AGPAT3: variants seen among roughly 807,000 people sequenced by gnomAD.
AGPAT3 encodes 1-acylglycerol-3-phosphate O-acyltransferase 3.
AGPAT3 carries 5 observed loss-of-function variants against 47.3 expected under a neutral mutation model. That is an observed-to-expected ratio of 0.11 (90% CI 0.06 to 0.22). The LOEUF (loss-of-function observed/expected upper bound fraction) is 0.22. Among genes scored for constraint, AGPAT3 ranks in the 10% least tolerant of loss-of-function variants. The pLI is 1.00. For missense variants in AGPAT3, 315 were observed against 493.0 expected, an observed-to-expected ratio of 0.64 and a Z score of 3.42; for synonymous variants, 212 against 208.3, an observed-to-expected ratio of 1.02 and a Z score of -0.15.
At chr21:43,912,634 A>G (rs1451924169) in intron 2 of AGPAT3, among the ~76,000 whole-genome samples, 2 of 152,364 alleles carry the variant, frequency 1.3e-5, no homozygotes, top group Middle Eastern at 3.4e-3. Context: ...GGACTTCAGC[A>G]TCTGCTTTTC....
rs984498012 is a variant in AGPAT3 at position 43,967,882 on chromosome 21, G to T, written c.179-64G>T. The T allele has an allele frequency of 4.0e-5, 62 of 1,536,312 alleles. No homozygotes were observed. In the Admixed American group the frequency reaches 1.2e-3, roughly 29 times the overall value. The stretch of plus-strand genomic sequence containing the variant: ...AAAATACTGTAGGTGTCTCCTGTGG[G>T]CGCTCCCTGACCATCCCAGGAGGAG... On this transcript the variant is annotated intron_variant, in intron 3 of 9. Transcript: ENST00000291572.
chr21:43,971,531 C>T (rs1174972236), intron 7 of AGPAT3, 41 bp downstream of exon 7: 7 of 1,590,348 alleles, frequency 4.4e-6, no homozygotes, highest in Non-Finnish European at 6.0e-6. Flanking sequence ...CCCCCCATAC[C>T]TTCATGAGCT....
In AGPAT3 at chr21:43,933,168, G is replaced by A. The variant is rs552472476; in HGVS notation, c.-48-26466G>A. Among the ~76,000 whole-genome samples the A allele has an allele frequency of 2.4e-4, 36 of 152,272 alleles. No homozygotes were observed. Among genetic ancestry groups the A allele is most frequent in the Non-Finnish European group, 5.1e-4 (35 of 68,032 alleles). ...CTTCTCCCTGATGGTTAATAATGCC[G>A]AACAGCTCTTCGTTAACCTGCTGGC... On this transcript the variant is annotated intron_variant, in intron 2 of 9. Coordinates refer to ENST00000291572, the MANE Select transcript of AGPAT3 (RefSeq NM_020132.5). The surrounding 1 kb of genome is among the most constrained non-coding windows in gnomAD (Gnocchi z 6.0).
At chr21:43,906,455 T>A (rs2086497502) in intron 2 of AGPAT3, among the ~76,000 whole-genome samples, 1 of 152,124 alleles carries the variant, frequency 6.6e-6, no homozygotes, top group Admixed American at 6.5e-5. Flanking sequence ...TGCAACTCAA[T>A]TGGTTATCAG....
intron 2 of AGPAT3, among the ~76,000 whole-genome samples, chr21:43,909,335 G>T (rs376267657): frequency 7.2e-6 from 1 of 138,174 alleles, no homozygotes; most frequent in African/African-American, 2.7e-5. Flanking sequence ...TCACTCTGTC[G>T]CCCAGGCCGG....
chr21:43,949,328 G>A (rs542828195), intron 2 of AGPAT3, among the ~76,000 whole-genome samples: 1 of 152,188 alleles, frequency 6.6e-6, no homozygotes, highest in Non-Finnish European at 1.5e-5. Flanking sequence ...TTCTTCTGCT[G>A]GTTTCCCCTG....
At chr21:43,872,682 A>G (rs2085647484) in intron 1 of AGPAT3, among the ~76,000 whole-genome samples, 1 of 151,744 alleles carries the variant, frequency 6.6e-6, no homozygotes, top group Admixed American at 6.6e-5. Flanking sequence ...TATCTTTCGT[A>G]TTTTTCCTTC....
intron 2 of AGPAT3, among the ~76,000 whole-genome samples, chr21:43,916,933 C>T (rs900866003): frequency 1.3e-5 from 2 of 152,094 alleles, no homozygotes; most frequent in African/African-American, 2.4e-5. Flanking sequence ...GTGGCCGCCT[C>T]GTGCTCGTGT....
chr21:43,889,882 C>T lies in AGPAT3; in HGVS notation c.-111-14075C>T, dbSNP rs2086063894. On this transcript the variant is annotated intron_variant, in intron 1 of 9. Transcript: ENST00000291572. Reference sequence around the variant, plus strand: ...TCGACGTGAATGGCTGCTGAGCACTCAGGGAGGTGGTTGCTGAAATGGGGT... The same window carrying T: ...TCGACGTGAATGGCTGCTGAGCACTTAGGGAGGTGGTTGCTGAAATGGGGT... Among the ~76,000 whole-genome samples, 6 of 152,218 alleles carry T rather than the reference C, an allele frequency of 3.9e-5. No individual in the cohort carries two copies. In the South Asian group the frequency reaches 1.2e-3, roughly 32 times the overall value.
At chr21:43,973,936 G>C (rs776465883) in intron 7 of AGPAT3, among the ~76,000 whole-genome samples, 1 of 152,066 alleles carries the variant, frequency 6.6e-6, no homozygotes. Flanking sequence ...TGACACCCTG[G>C]GGTGCAGAAA....
Position 43,939,933 on chromosome 21 carries a change from A to G in AGPAT3, c.-48-19701A>G, listed in dbSNP as rs932412392. On this transcript the variant is annotated intron_variant, in intron 2 of 9. Coordinates refer to ENST00000291572, the MANE Select transcript of AGPAT3 (RefSeq NM_020132.5). This position sits in a 1 kb window ranked among gnomAD's most constrained non-coding sequence, Gnocchi z 4.4. Reference sequence around the variant, plus strand: ...TTGGATTAGCCGGTGCCCCGACGGCAGAGCCCGCAGCTGTGCGCAGGAGGA... The same window carrying G: ...TTGGATTAGCCGGTGCCCCGACGGCGGAGCCCGCAGCTGTGCGCAGGAGGA... 6.6e-6 allele frequency among the ~76,000 whole-genome samples: 1 copy of G among 152,212 alleles called. No individual in the cohort carries two copies. The highest frequency in any genetic ancestry group is 2.1e-4 in the South Asian group (1 of 4,830).
In AGPAT3 at chr21:43,967,940, C is replaced by T. The variant is rs766497804; in HGVS notation, c.179-6C>T. 1.0e-4 allele frequency: 166 copies of T among 1,613,480 alleles called. No individual in the cohort carries two copies. Among genetic ancestry groups the T allele is most frequent in the Non-Finnish European group, 9.9e-5 (117 of 1,179,718 alleles). The stretch of plus-strand genomic sequence containing the variant: ...ACCAGTGCCAACGCCCTCCCCCTGT[C>T]CGCAGAACTGGTCATGCTGCTGGAG... On this transcript the variant is annotated splice_polypyrimidine_tract_variant and splice_region_variant and intron_variant, in intron 3 of 9. Coordinates refer to ENST00000291572, the MANE Select transcript of AGPAT3 (RefSeq NM_020132.5).
At chr21:43,936,797 C>A (rs575898270) in intron 2 of AGPAT3, among the ~76,000 whole-genome samples, 1 of 152,372 alleles carries the variant, frequency 6.6e-6, no homozygotes, top group Admixed American at 6.5e-5. Context: ...CGTGTCAGCT[C>A]CGCCTAAAGC....
In AGPAT3 at chr21:43,952,848, AGAGGTCCCACCCCT is replaced by A. The variant is rs2088267619; in HGVS notation, c.-48-6773_-48-6760del. 6.6e-6 allele frequency among the ~76,000 whole-genome samples: 1 copy of A among 151,962 alleles called. No homozygotes were observed. Among genetic ancestry groups the A allele is most frequent in the Non-Finnish European group, 1.5e-5 (1 of 67,958 alleles). ...AGCCCCAGAAATCAGATGGAGCCCC[AGAGGTCCCACCCCT>A]GAGGTCCCACCCTGTGTGGCTCTTC... On this transcript the variant is annotated intron_variant, in intron 2 of 9. Transcript: ENST00000291572. This position sits in a 1 kb window ranked among gnomAD's most constrained non-coding sequence, Gnocchi z 5.6.
chr21:43,971,445 TG>T lies in AGPAT3; in HGVS notation c.726del (p.Ile243SerfsTer13). On this transcript the variant is annotated frameshift_variant, in exon 7 of 10. Coordinates refer to ENST00000291572, the MANE Select transcript of AGPAT3 (RefSeq NM_020132.5). LOFTEE classifies it high-confidence loss of function. ...AGAGGAAACAAGAACCCGTCCCTGC[TG>T]GGGATCCTCTACGGGAAGAAGTACG... ...NFRGNKNPSL[L>X]GILYGKKYEA... 1 of 1,614,206 alleles carries T rather than the reference TG, an allele frequency of 6.2e-7. No individual in the cohort carries two copies.
At chr21:43,924,189 T>C (rs2086981135) in intron 2 of AGPAT3, among the ~76,000 whole-genome samples, 1 of 74,620 alleles carries the variant, frequency 1.3e-5, no homozygotes, top group African/African-American at 4.7e-5. Flanking sequence ...AATTTTTTTG[T>C]ATTTTTTTTT....
chr21:43,918,257 C>A (rs2086802542), intron 2 of AGPAT3, among the ~76,000 whole-genome samples: 1 of 98,790 alleles, frequency 1.0e-5, no homozygotes, highest in Non-Finnish European at 2.5e-5. Flanking sequence ...GTGGCCAGAA[C>A]TTTCCAGGTG....
At chr21:43,914,980 G>C (rs1386623856) in intron 2 of AGPAT3, among the ~76,000 whole-genome samples, 2 of 151,950 alleles carry the variant, frequency 1.3e-5, no homozygotes, top group Non-Finnish European at 2.9e-5. Context: ...ATTTTATCTA[G>C]ATTTCAAAAT....
At chr21:43,868,413 A>G (rs2085555466) in intron 1 of AGPAT3, among the ~76,000 whole-genome samples, 1 of 152,088 alleles carries the variant, frequency 6.6e-6, no homozygotes, top group Non-Finnish European at 1.5e-5. Context: ...CTTAAGACTC[A>G]AAGTGGAGCT....
Sources: gnomAD v4.1 joint callset for allele counts (sites outside exome capture counted in the v4.1 genomes callset) on GRCh38, gnomAD v4.1.1 for gene constraint, Gnocchi (gnomAD v3.1) non-coding constraint, MANE v1.5 for transcripts, NCBI Gene and HGNC (gene_info 2026-07-23, HGNC 2026-07-21) for gene names.